The following CAMTA1 variants were observed in gnomAD, a reference collection of about 807,000 sequenced individuals.
CAMTA1 encodes the protein calmodulin-binding transcription activator 1.
CAMTA1 carries 27 observed loss-of-function variants against 170.9 expected under a neutral mutation model. That is an observed-to-expected ratio of 0.16 (90% CI 0.12 to 0.22). The LOEUF (loss-of-function observed/expected upper bound fraction) is 0.22. CAMTA1 is among the 10% of genes least tolerant of loss of function. CAMTA1 has a pLI of 1.00. For synonymous variants in CAMTA1, 833 were observed against 891.5 expected (o/e 0.93, Z 1.17); for missense variants, 1,619 against 2,217.2 (o/e 0.73, Z 5.42).
intron 3 of CAMTA1, among the ~76,000 whole-genome samples, chr1:7,015,438 C>T (rs6665293): frequency 0.13 from 19,232 of 152,204 alleles, 1,450 homozygotes; most frequent in Non-Finnish European, 0.18. Context: ...AGATGTCTTC[C>T]GGTGAGGCTG....
intron 8 of CAMTA1, among the ~76,000 whole-genome samples, chr1:7,662,386 A>T (rs4908670): frequency 0.31 from 46,369 of 150,930 alleles, 8,068 homozygotes; most frequent in Non-Finnish European, 0.39. Flanking sequence ...TGTGTTCTCC[A>T]CTCCCCAGGC....
chr1:7,280,709 A>C (rs1211971632), intron 5 of CAMTA1, among the ~76,000 whole-genome samples: 1 of 152,264 alleles, frequency 6.6e-6, no homozygotes, highest in African/African-American at 2.4e-5. Context: ...TGTAATTCAA[A>C]TTCCATTGAC....
In CAMTA1 at chr1:7,574,584, A is replaced by G. The variant is rs72867110; in HGVS notation, c.511-65816A>G. ...TCAATATGCCTCTATTTTTAACTCC[A>G]GGATCAGCAGGGTCATTTTCCAGAG... On this transcript the variant is annotated intron_variant, in intron 6 of 22. Coordinates refer to ENST00000303635, the MANE Select transcript of CAMTA1 (RefSeq NM_015215.4). Among the ~76,000 whole-genome samples, 430 of 152,288 alleles carry G rather than the reference A, an allele frequency of 2.8e-3. 2 individuals carry two copies. The highest frequency in any genetic ancestry group is 9.9e-3 in the African/African-American group (412 of 41,578).
chr1:7,343,552 C>A (rs189008743), intron 5 of CAMTA1, among the ~76,000 whole-genome samples: 1 of 152,328 alleles, frequency 6.6e-6, no homozygotes, highest in Admixed American at 6.5e-5. Context: ...AACATTCTAA[C>A]AAGGAATGCC....
chr1:7,663,255 C>T, intron 8 of CAMTA1, 98 bp from the exon 9 acceptor site: 20 of 1,448,336 alleles, frequency 1.4e-5, no homozygotes, highest in Non-Finnish European at 1.8e-5. Context: ...GGGGCAGGTC[C>T]ACCACGGTCC....
rs1367417304 is a variant in CAMTA1 at position 7,640,442 on chromosome 1, A to G, written c.553A>G (p.Ile185Val). 1.2e-6 allele frequency: 2 copies of G among 1,614,112 alleles called. No homozygotes were observed. Among genetic ancestry groups the G allele is most frequent in the East Asian group, 2.2e-5 (1 of 44,862 alleles). The change falls in exon 7 of 23, where the codon ATC becomes GTC. Residue 185 changes from isoleucine (I) to valine (V), a missense_variant. Around this residue, in one of 8 missense-constraint regions of CAMTA1, gnomAD observed 97 missense variants for 225.4 expected, o/e 0.43. Coordinates refer to ENST00000303635, the MANE Select transcript of CAMTA1 (RefSeq NM_015215.4). ...GGTGCACTACCTGAACGTGCCGGCC[A>G]TCGAGGACTGCGGCAAGCCTTGCGG... Reference protein sequence around the residue: ...VLVHYLNVPAIEDCGKPCGPI... With the variant: ...VLVHYLNVPAVEDCGKPCGPI...
chr1:7,335,491 A>G (rs1358421094), intron 5 of CAMTA1, among the ~76,000 whole-genome samples: 1 of 152,156 alleles, frequency 6.6e-6, no homozygotes, highest in Non-Finnish European at 1.5e-5. Flanking sequence ...GAACATTGCC[A>G]ACTTCCCGCC....
At chr1:7,630,041 G>A (rs773049599) in intron 6 of CAMTA1, among the ~76,000 whole-genome samples, 55 of 152,304 alleles carry the variant, frequency 3.6e-4, no homozygotes, top group Non-Finnish European at 5.0e-4. Context: ...ATCTGCAAAC[G>A]TGGAGATTTT....
chr1:6,963,031 C>T (rs1690780594), intron 3 of CAMTA1, among the ~76,000 whole-genome samples: 1 of 149,338 alleles, frequency 6.7e-6, no homozygotes, highest in Middle Eastern at 3.6e-3. Flanking sequence ...GTGGCAGACC[C>T]CATTCTCCAT....
At chr1:6,926,448 CTT>C (rs762255597) in intron 3 of CAMTA1, among the ~76,000 whole-genome samples, 7 of 71,184 alleles carry the variant, frequency 9.8e-5, no homozygotes, top group African/African-American at 3.6e-4. Flanking sequence ...CTCTTTCTTT[CTT>C]TCTTTCTTTC....
In CAMTA1 at chr1:7,570,673, G is replaced by T. The variant is rs745765350; in HGVS notation, c.511-69727G>T. Among the ~76,000 whole-genome samples, 1 of 152,254 alleles carries T rather than the reference G, an allele frequency of 6.6e-6. No homozygotes were observed. The highest frequency in any genetic ancestry group is 2.4e-5 in the African/African-American group (1 of 41,464). On this transcript the variant is annotated intron_variant, in intron 6 of 22. Transcript: ENST00000303635. This position sits in a 1 kb window ranked among gnomAD's most constrained non-coding sequence, Gnocchi z 4.3. ...GCACTGCCCTGTTCACCAAGGCCAA[G>T]GTCCTGTCAGCCTCCTGCTGTGTCA...
At chr1:7,520,221 T>TCCTCCTCCTCCC in intron 6 of CAMTA1, among the ~76,000 whole-genome samples, 1 of 16,282 alleles carries the variant, frequency 6.1e-5, no homozygotes, top group Admixed American at 9.8e-4. Flanking sequence ...CTCCTCCTCC[T>TCCTCCTCCTCCC]CCTCCTCCCT....
Position 6,820,178 on chromosome 1 carries a change from T to C in CAMTA1, c.46-3T>C, listed in dbSNP as rs752347097. The C allele has an allele frequency of 6.7e-6, 10 of 1,494,570 alleles. No individual in the cohort carries two copies. In the East Asian group the frequency reaches 2.0e-4, roughly 30 times the overall value. 92.6% of individuals were successfully genotyped at this position (1,494,570 alleles called of 1,614,324 possible). ...TTTTACATTTTATTTTCTGTTTCCTTAGAGCGTTTCCCAAAGTGTATTCTG... is the reference window on the plus strand; with the variant it reads ...TTTTACATTTTATTTTCTGTTTCCTCAGAGCGTTTCCCAAAGTGTATTCTG... On this transcript the variant is annotated splice_polypyrimidine_tract_variant and splice_region_variant and intron_variant, in intron 1 of 22. Coordinates refer to ENST00000303635, the MANE Select transcript of CAMTA1 (RefSeq NM_015215.4).
rs2149115091 is a variant in CAMTA1 at position 6,887,837 on chromosome 1, AAATT to A, written c.234+62632_234+62635del. 6.8e-7 allele frequency: 1 copy of A among 1,462,696 alleles called. No homozygotes were observed. The highest frequency in any genetic ancestry group is 2.5e-5 in the East Asian group (1 of 39,592). The allele number at this position is 1,462,696 out of a possible 1,614,324, so 90.6% of individuals were successfully genotyped here. ...GTGAATTAACTGTTCTCAAAACCCC[AAATT>A]AATTTGAACCGAATGTTACTAAAAA... On this transcript the variant is annotated intron_variant, in intron 3 of 22. Transcript: ENST00000303635. This position sits in a 1 kb window ranked among gnomAD's most constrained non-coding sequence, Gnocchi z 4.1.
chr1:7,399,017 G>A (rs1575117500), intron 5 of CAMTA1, among the ~76,000 whole-genome samples: 1 of 151,962 alleles, frequency 6.6e-6, no homozygotes, highest in African/African-American at 2.4e-5. Context: ...CATAGTTATT[G>A]TTGATCATTT....
rs190571275 is a variant in CAMTA1 at position 7,067,997 on chromosome 1, C to T, written c.235-23307C>T. ...ATGGGAGGCCGCTATGGTCACCTTG[C>T]AGCCATGTGGGTCCAGCCCAAGGTC... is the stretch of plus-strand genomic sequence containing the variant. On this transcript the variant is annotated intron_variant, in intron 3 of 22. Transcript: ENST00000303635. This position sits in a 1 kb window ranked among gnomAD's most constrained non-coding sequence, Gnocchi z 4.3. 1.5e-4 allele frequency among the ~76,000 whole-genome samples: 23 copies of T among 152,340 alleles called. No homozygotes were observed. The highest frequency in any genetic ancestry group is 1.4e-3 in the Admixed American group (22 of 15,304).
intron 4 of CAMTA1, among the ~76,000 whole-genome samples, chr1:7,123,203 T>C (rs1644746896): frequency 2.0e-5 from 3 of 152,140 alleles, no homozygotes; most frequent in Admixed American, 2.0e-4. Context: ...TTTCCCTCTT[T>C]GGCTTGAGAA....
rs902161662 is a variant in CAMTA1 at position 6,952,086 on chromosome 1, G to T, written c.234+126876G>T. ...GTGCCTTCTGTCAATGGTGACAGTT[G>T]TGTAGAGAAGGAAAACAATACTGGG... On this transcript the variant is annotated intron_variant, in intron 3 of 22. Coordinates refer to ENST00000303635, the MANE Select transcript of CAMTA1 (RefSeq NM_015215.4). Among the ~76,000 whole-genome samples the T allele has an allele frequency of 1.2e-3, 179 of 152,310 alleles. 1 individual carries two copies. The highest frequency in any genetic ancestry group is 1.6e-4 in the Non-Finnish European group (11 of 68,028).
chr1:7,080,348 T>G (rs1639847970), intron 3 of CAMTA1, among the ~76,000 whole-genome samples: 2 of 152,202 alleles, frequency 1.3e-5, no homozygotes, highest in African/African-American at 4.8e-5. Flanking sequence ...CCAGTGCCTT[T>G]CAAACTATGA....
Sources: gnomAD v4.1 joint callset for allele counts (sites outside exome capture counted in the v4.1 genomes callset) on GRCh38, gnomAD v4.1.1 for gene constraint, gnomAD v4.1.1 regional missense constraint, Gnocchi (gnomAD v3.1) non-coding constraint, MANE v1.5 for transcripts, NCBI Gene and HGNC (gene_info 2026-07-23, HGNC 2026-07-21) for gene names.